The following SRI variants were observed in gnomAD, a reference collection of about 807,000 sequenced individuals.
The protein encoded by SRI is sorcin.
A neutral mutation model predicts 33.3 loss-of-function variants in SRI; 30 were observed. The ratio of observed to expected loss-of-function variants is 0.90; its 90% confidence interval spans 0.67 to 1.22. The LOEUF is 1.22. Among genes scored for constraint, SRI ranks in the 50% most tolerant of loss-of-function variants. SRI has a pLI of 0.00. For missense variants in SRI, 243 were observed against 250.8 expected (o/e 0.97, Z 0.21); for synonymous variants, 75 against 89.9 (o/e 0.83, Z 0.94).
At chr7:88,208,702 C>A in intron 6 of SRI, 137 bp from the exon 7 acceptor site, 1 of 1,338,154 alleles carries the variant, frequency 7.5e-7, no homozygotes, top group Non-Finnish European at 1.0e-6. Context: ...AACAAAAGAC[C>A]AAAGCAAAGA....
chr7:88,213,818 T>C (rs2115771834), intron 3 of SRI, among the ~76,000 whole-genome samples: 1 of 152,324 alleles, frequency 6.6e-6, no homozygotes, highest in East Asian at 1.9e-4. Flanking sequence ...TTCTAATCTT[T>C]ACTAATGCTC....
In SRI at chr7:88,209,371, A is replaced by T. The variant is rs143697479; in HGVS notation, c.479T>A (p.Ile160Asn). ...AGCCCTCAGTTTGACGCAGCAGGCGATGTAGTCGTCGAAGGTGATCTTTCC... is the reference window on the plus strand; with the variant it reads ...AGCCCTCAGTTTGACGCAGCAGGCGTTGTAGTCGTCGAAGGTGATCTTTCC... Reference protein sequence around the residue: ...TNGKITFDDYIACCVKLRALT... With the variant: ...TNGKITFDDYNACCVKLRALT... The change falls in exon 6 of 8, where the codon ATC becomes AAC. Residue 160 changes from isoleucine (I) to asparagine (N), a missense_variant. Coordinates refer to ENST00000265729, the MANE Select transcript of SRI (RefSeq NM_003130.4). 1.9e-5 allele frequency: 31 copies of T among 1,613,948 alleles called. No homozygotes were observed. The highest frequency in any genetic ancestry group is 2.7e-5 in the African/African-American group (2 of 74,932).
At chr7:88,210,238 G>T in intron 4 of SRI, 108 bp from the exon 5 acceptor site, 2 of 1,277,342 alleles carry the variant, frequency 1.6e-6, no homozygotes, top group South Asian at 2.4e-5. Context: ...AAAAGTTATT[G>T]TAGATTATTC....
Position 88,219,618 on chromosome 7 carries a change from T to C in SRI, c.51+358A>G, listed in dbSNP as rs1851832028. On this transcript the variant is annotated intron_variant, in intron 1 of 7. Transcript: ENST00000265729. ...ATATCATTCTAGAATAAAATGACTG[T>C]TGTTGCTCTGGGAGGCAACCAAGAA... 3 of 346,722 alleles carry C rather than the reference T, an allele frequency of 8.7e-6. No individual in the cohort carries two copies. The East Asian group carries it at 1.6e-4, about 18-fold the overall frequency. The allele number at this position is 346,722 out of a possible 1,614,324, so 21.5% of individuals were successfully genotyped here. A position where few individuals can be genotyped will look rare whatever the true frequency, so the allele number is the denominator to read the frequency against.
chr7:88,208,537 C>T lies in SRI; in HGVS notation c.540G>A (p.Gln180=), dbSNP rs1347687569. The T allele has an allele frequency of 1.9e-6, 3 of 1,613,792 alleles. No homozygotes were observed. The highest frequency in any genetic ancestry group is 2.5e-6 in the Non-Finnish European group (3 of 1,179,926). ...CATATGGGAAATTCACAACACCTTG[C>T]TGAGCAGTATCCCGTCTTCGAAAGC... ...TDSFRRRDTA[Q]QGVVNFPYDD... Residue 180 remains glutamine (Q), a synonymous_variant, in exon 7 of 8, where the codon CAG becomes CAA. Coordinates refer to ENST00000265729, the MANE Select transcript of SRI (RefSeq NM_003130.4).
rs761512527 is a variant in SRI at position 88,218,892 on chromosome 7, C to T, written c.102G>A (p.Pro34=). Residue 34 remains proline (P), a synonymous_variant, in exon 2 of 8, where the codon CCG becomes CCA. Transcript: ENST00000265729. ...GPAFPGQTQD[P]LYGYFAAVAG... Reference sequence around the variant, plus strand: ...CTACAGCAGCAAAGTAACCATACAGCGGATCCTGAGTTTGTCCGGGAAACG... The same window carrying T: ...CTACAGCAGCAAAGTAACCATACAGTGGATCCTGAGTTTGTCCGGGAAACG... The T allele has an allele frequency of 1.2e-6, 2 of 1,614,052 alleles. No individual in the cohort carries two copies. Among genetic ancestry groups the T allele is most frequent in the East Asian group, 2.2e-5 (1 of 44,890 alleles).
At chr7:88,211,097 A>G (rs538548651) in intron 3 of SRI, among the ~76,000 whole-genome samples, 172 bp from the exon 4 acceptor site, 47 of 152,338 alleles carry the variant, frequency 3.1e-4, no homozygotes, top group African/African-American at 1.0e-3. Flanking sequence ...TTCTCCATAA[A>G]GAAGATTTTT....
chr7:88,210,529 T>C (rs1264468978), intron 4 of SRI: 1 of 384,982 alleles, frequency 2.6e-6, no homozygotes, highest in Non-Finnish European at 4.9e-6. Context: ...TGGGATGGAA[T>C]GCACTGGATA....
upstream of SRI, among the ~76,000 whole-genome samples, chr7:88,222,917 T>C (rs1431123630): frequency 2.0e-5 from 3 of 152,070 alleles, no homozygotes; most frequent in Middle Eastern, 3.4e-3. Context: ...ACCTAGGCAT[T>C]ACCATTCAGG....
intron 1 of SRI, among the ~76,000 whole-genome samples, 161 bp downstream of exon 1, chr7:88,219,815 G>A (rs1851838777): frequency 1.3e-5 from 2 of 152,282 alleles, no homozygotes; most frequent in South Asian, 4.1e-4. Context: ...CCGAACCCCA[G>A]GGGCCTAGGG....
intron 3 of SRI, among the ~76,000 whole-genome samples, chr7:88,212,852 GT>G (rs1451151604): frequency 6.6e-6 from 1 of 152,192 alleles, no homozygotes; most frequent in Non-Finnish European, 1.5e-5. Flanking sequence ...CAGCAATCTG[GT>G]TTTTGTAAGC....
intron 2 of SRI, among the ~76,000 whole-genome samples, chr7:88,217,556 C>A (rs1030624955): frequency 6.6e-6 from 1 of 152,086 alleles, no homozygotes; most frequent in Non-Finnish European, 1.5e-5. Flanking sequence ...AAAAAGGCCT[C>A]CTTGGTCACT....
chr7:88,220,150 C>T, upstream of SRI: 3 of 1,341,738 alleles, frequency 2.2e-6, no homozygotes, highest in South Asian at 3.8e-5. Flanking sequence ...GGACGCGCTC[C>T]GCAGTCGTCT....
upstream of SRI, chr7:88,220,056 C>A (rs952863050): frequency 3.1e-5 from 47 of 1,515,694 alleles, no homozygotes; most frequent in Non-Finnish European, 4.0e-5. Context: ...CCGCCCTCGC[C>A]CTGTGCGCCA....
At position 88,218,786 on chromosome 7, in the gene SRI, C is replaced by G. The variant is rs1438867142; in HGVS notation, c.135+73G>C. The G allele has an allele frequency of 4.8e-6, 7 of 1,465,538 alleles. No individual in the cohort carries two copies. The African/African-American group carries it at 9.7e-5, about 20-fold the overall frequency. 90.8% of individuals were successfully genotyped at this position (1,465,538 alleles called of 1,614,324 possible). A position where few individuals can be genotyped will look rare whatever the true frequency, so the allele number is the denominator to read the frequency against. On this transcript the variant is annotated intron_variant, in intron 2 of 7. Transcript: ENST00000265729. ...TCAGTACCACAGGAAGTTCGCTTTT[C>G]TGTGTCACTATATCAAAAGCTACCA...
intron 4 of SRI, 56 bp from the exon 5 acceptor site, chr7:88,210,186 T>A (rs1323193342): frequency 1.6e-5 from 26 of 1,587,320 alleles, no homozygotes; most frequent in Non-Finnish European, 2.2e-5. Flanking sequence ...AAGGATTAAA[T>A]GAAAGATCAA....
intron 3 of SRI, chr7:88,214,981 C>T (rs1036596536): frequency 2.0e-6 from 1 of 501,824 alleles, no homozygotes; most frequent in Non-Finnish European, 3.7e-6. Flanking sequence ...ATCTTACTGA[C>T]TGGAACACAA....
chr7:88,226,647 A>G (rs1852003888), intron 1 of SRI, among the ~76,000 whole-genome samples: 1 of 152,224 alleles, frequency 6.6e-6, no homozygotes, highest in African/African-American at 2.4e-5. Flanking sequence ...AGTCAGCTAC[A>G]TGTAAATTGG....
At chr7:88,220,969 G>C (rs1329457224), upstream of SRI, among the ~76,000 whole-genome samples, 3 of 152,162 alleles carry the variant, frequency 2.0e-5, no homozygotes, top group Non-Finnish European at 4.4e-5. Context: ...ATTCAGGCGT[G>C]AGCTTTTTGT....
Sources: allele counts gnomAD v4.1 joint callset (sites outside exome capture counted in the v4.1 genomes callset), GRCh38; gene constraint gnomAD v4.1.1; transcripts MANE v1.5; gene names NCBI Gene and HGNC (gene_info 2026-07-23, HGNC 2026-07-21).